The following PAX5 variants were observed in gnomAD, a reference collection of about 807,000 sequenced individuals.
The protein encoded by PAX5 is paired box 5, also known as paired box protein Pax-5.
Under a neutral mutation model 43.7 loss-of-function variants are expected in PAX5, and 9 were observed. The ratio of observed to expected loss-of-function variants is 0.21; its 90% CI spans 0.12 to 0.36. The LOEUF is 0.36. Ranked by LOEUF, PAX5 falls within the 10% of genes least tolerant of loss-of-function variation. The pLI is 1.00. For missense variants in PAX5, 383 were observed against 532.7 expected (o/e 0.72, Z 2.77); for synonymous variants, 228 against 214.3 (o/e 1.06, Z -0.56).
At chr9:37,032,860 G>C (rs1379545230) in intron 1 of PAX5, among the ~76,000 whole-genome samples, 1 of 152,240 alleles carries the variant, frequency 6.6e-6, no homozygotes, top group Non-Finnish European at 1.5e-5. Flanking sequence ...GCCTGTGGGA[G>C]GCACATGGGG....
At chr9:36,860,425 G>A (rs543179935) in intron 8 of PAX5, among the ~76,000 whole-genome samples, 9 of 152,226 alleles carry the variant, frequency 5.9e-5, no homozygotes, top group Non-Finnish European at 1.0e-4. Context: ...CGGAGTAAGC[G>A]GGGGGAGGCA....
At chr9:36,880,343 C>T (rs533518610) in intron 8 of PAX5, among the ~76,000 whole-genome samples, 3 of 152,360 alleles carry the variant, frequency 2.0e-5, no homozygotes, top group Non-Finnish European at 2.9e-5. Flanking sequence ...GGGATGCACA[C>T]ACCAGTGACA....
chr9:37,023,450 A>G (rs951782646), intron 1 of PAX5, among the ~76,000 whole-genome samples: 28 of 152,218 alleles, frequency 1.8e-4, no homozygotes, highest in Admixed American at 6.5e-5. Flanking sequence ...ACACAGAGAC[A>G]GAGGCAAACA....
At chr9:37,019,585 G>A (rs1348670989) in intron 2 of PAX5, among the ~76,000 whole-genome samples, 1 of 152,256 alleles carries the variant, frequency 6.6e-6, no homozygotes, top group Non-Finnish European at 1.5e-5. Context: ...AAGGGAAGGA[G>A]CCAGGAGAAA....
intron 5 of PAX5, among the ~76,000 whole-genome samples, chr9:37,000,674 C>A (rs1837767838): frequency 6.6e-6 from 1 of 152,218 alleles, no homozygotes; most frequent in Non-Finnish European, 1.5e-5. Flanking sequence ...GGCAGCCCAA[C>A]AAGTGGCCAC....
chr9:36,852,381 T>A (rs1823244373), intron 8 of PAX5, among the ~76,000 whole-genome samples: 1 of 151,824 alleles, frequency 6.6e-6, no homozygotes, highest in Non-Finnish European at 1.5e-5. Context: ...GGAAACTGAG[T>A]CTCAGAAAGG....
chr9:36,902,774 C>T (rs1023782761), intron 7 of PAX5, among the ~76,000 whole-genome samples: 1 of 152,246 alleles, frequency 6.6e-6, no homozygotes, highest in African/African-American at 2.4e-5. Context: ...TACCCCCACC[C>T]ACACTGGCAC....
chr9:37,030,337 A>G (rs890534156), intron 1 of PAX5, among the ~76,000 whole-genome samples: 3 of 152,140 alleles, frequency 2.0e-5, no homozygotes, highest in Non-Finnish European at 4.4e-5. Flanking sequence ...CCAGCCTTAC[A>G]GGTCACCAAA....
At chr9:36,973,088 A>AAC (rs1564026594) in intron 5 of PAX5, among the ~76,000 whole-genome samples, 51 of 87,864 alleles carry the variant, frequency 5.8e-4, no homozygotes, top group African/African-American at 1.5e-3. Context: ...CGGAACGGAA[A>AAC]GGAAAGGAAA....
At chr9:37,026,487 C>A in intron 1 of PAX5, 1 of 1,308,890 alleles carries the variant, frequency 7.6e-7, no homozygotes, top group Non-Finnish European at 1.0e-6. Flanking sequence ...ACCCCCAACC[C>A]GGTCCCGGCG....
chr9:36,957,121 G>A (rs1313771620), intron 6 of PAX5, among the ~76,000 whole-genome samples: 5 of 152,204 alleles, frequency 3.3e-5, no homozygotes, highest in South Asian at 2.1e-4. Context: ...GCTGGTGGGC[G>A]GCATCGCTGT....
intron 7 of PAX5, among the ~76,000 whole-genome samples, chr9:36,889,491 C>T (rs1470436833): frequency 2.6e-5 from 4 of 152,218 alleles, no homozygotes; most frequent in Non-Finnish European, 5.9e-5. Context: ...TTGTTATCCC[C>T]ATTTTACAGA....
At chr9:36,997,689 C>A (rs1397778731) in intron 5 of PAX5, among the ~76,000 whole-genome samples, 1 of 152,234 alleles carries the variant, frequency 6.6e-6, no homozygotes, top group African/African-American at 2.4e-5. Flanking sequence ...TCAAACCAAC[C>A]AAGAGACAAA....
intron 8 of PAX5, among the ~76,000 whole-genome samples, chr9:36,873,610 G>A (rs951715320): frequency 2.0e-5 from 3 of 152,210 alleles, no homozygotes; most frequent in Admixed American, 6.5e-5. Flanking sequence ...GGGGTCAAGG[G>A]AAGTTAGTGT....
intron 6 of PAX5, among the ~76,000 whole-genome samples, chr9:36,936,285 G>A (rs1302301814): frequency 1.3e-5 from 2 of 152,244 alleles, no homozygotes; most frequent in East Asian, 1.9e-4. Flanking sequence ...GGGGAAGGGG[G>A]ATGGGGACTC....
At chr9:37,018,603 G>A (rs978779626) in intron 2 of PAX5, among the ~76,000 whole-genome samples, 28 of 144,876 alleles carry the variant, frequency 1.9e-4, no homozygotes, top group Middle Eastern at 3.7e-3. Context: ...TGGATTGAAC[G>A]GCCCCAGTTC....
intron 8 of PAX5, among the ~76,000 whole-genome samples, chr9:36,866,602 C>T (rs1275745905): frequency 6.6e-6 from 1 of 152,110 alleles, no homozygotes; most frequent in Non-Finnish European, 1.5e-5. Flanking sequence ...ATCCAGGAAC[C>T]GTCCTTTTTA....
intron 5 of PAX5, among the ~76,000 whole-genome samples, chr9:36,995,826 C>A (rs562095661): frequency 9.2e-5 from 14 of 152,168 alleles, no homozygotes; most frequent in Admixed American, 2.6e-4. Context: ...CCAGCCCTCC[C>A]AGGCCCAGGG....
chr9:36,895,046 T>C (rs1373397517), intron 7 of PAX5, among the ~76,000 whole-genome samples: 1 of 152,222 alleles, frequency 6.6e-6, no homozygotes, highest in East Asian at 1.9e-4. Context: ...GAGACAGCTC[T>C]GGGAACAAAC....
Sources: gnomAD v4.1 joint callset for allele counts (sites outside exome capture counted in the v4.1 genomes callset) on GRCh38, gnomAD v4.1.1 for gene constraint, MANE v1.5 for transcripts, NCBI Gene and HGNC (gene_info 2026-07-23, HGNC 2026-07-21) for gene names.